The following IFI6 variants were observed in gnomAD, a reference collection of about 807,000 sequenced individuals.
The protein encoded by IFI6 is interferon alpha-inducible protein 6.
A neutral mutation model predicts 12.7 loss-of-function variants in IFI6; 10 were observed. The observed-to-expected ratio is 0.79, with a 90% CI of 0.49 to 1.33. The LOEUF is 1.33. Among genes scored for constraint, IFI6 ranks in the 40% most tolerant of loss-of-function variants. The pLI is 0.00. For missense variants in IFI6, 154 were observed against 180.4 expected, an observed-to-expected ratio of 0.85 and a Z score of 0.84; for synonymous variants, 89 against 86.2, an observed-to-expected ratio of 1.03 and a Z score of -0.18.
chr1:27,668,286 C>A lies in IFI6; in HGVS notation c.238G>T (p.Ala80Ser), dbSNP rs907602455. The change falls in exon 4 of 5, where the codon GCG becomes TCG. Residue 80 changes from alanine (A) to serine (S), a missense_variant. Physicochemically the swap from Ala to Ser is moderately conservative, Grantham distance 99 (BLOSUM62 1). Transcript: ENST00000361157. The stretch of plus-strand genomic sequence containing the variant: ...GGCACGCCGCCCCCATTCAGGATCG[C>A]AGACCAGCTCATCAGCGAGGCAGCC... Reference protein sequence around the residue: ...SVAASLMSWSAILNGGGVPAG... With the variant: ...SVAASLMSWSSILNGGGVPAG... The A allele has an allele frequency of 3.2e-6, 5 of 1,583,266 alleles. No individual in the cohort carries two copies. Among genetic ancestry groups the A allele is most frequent in the African/African-American group, 1.3e-5 (1 of 74,228 alleles).
chr1:27,668,022 G>T (rs939065507), intron 4 of IFI6, among the ~76,000 whole-genome samples: 4 of 152,244 alleles, frequency 2.6e-5, no homozygotes, highest in Admixed American at 1.3e-4. Flanking sequence ...AGTGAGCCAA[G>T]ATCACACCAC....
intron 1 of IFI6, among the ~76,000 whole-genome samples, chr1:27,670,961 A>G (rs1180929787): frequency 6.6e-6 from 1 of 152,226 alleles, no homozygotes; most frequent in Non-Finnish European, 1.5e-5. Context: ...GGGATGAAAA[A>G]ATATATTTTA....
rs1365786219 is a variant in IFI6, at chr1:27,666,222, T to C, written c.*159A>G. 2.0e-6 allele frequency: 1 copy of C among 512,484 alleles called. No homozygotes were observed. Among genetic ancestry groups the C allele is most frequent in the Non-Finnish European group, 3.4e-6 (1 of 295,500 alleles). The allele number at this position is 512,484 out of a possible 1,614,324, so 31.7% of individuals were successfully genotyped here. On this transcript the variant is annotated 3_prime_UTR_variant, in exon 5 of 5. Coordinates refer to ENST00000361157, the MANE Select transcript of IFI6 (RefSeq NM_002038.4). ...TGAGGCTAGGAGTTGGAGGCTGCAG[T>C]GTACTATGTTCGCATCTGTGAATAG...
At chr1:27,666,584 C>T in intron 4 of IFI6, 109 bp from the exon 5 acceptor site, 1 of 712,442 alleles carries the variant, frequency 1.4e-6, no homozygotes, top group Middle Eastern at 3.4e-4. Context: ...GATGGAGAAA[C>T]AGAGGCCCTG....
intron 1 of IFI6, chr1:27,670,259 C>T (rs774173846): frequency 2.0e-5 from 3 of 148,640 alleles, no homozygotes; most frequent in Non-Finnish European, 4.4e-5. Context: ...CTTACATATA[C>T]TGGTTTCTTT....
intron 2 of IFI6, among the ~76,000 whole-genome samples, 183 bp from the exon 3 acceptor site, chr1:27,668,718 G>A (rs920276592): frequency 1.3e-5 from 2 of 152,092 alleles, no homozygotes; most frequent in African/African-American, 4.8e-5. Flanking sequence ...CTAGCATCGA[G>A]TAAATTTCGG....
rs2090370051 is a variant in IFI6 at position 27,668,392 on chromosome 1, A to G, written c.149-17T>C. On this transcript the variant is annotated splice_polypyrimidine_tract_variant and intron_variant, in intron 3 of 4. Coordinates refer to ENST00000361157, the MANE Select transcript of IFI6 (RefSeq NM_002038.4). ...CTGCGAGTCCTGGAGGAACAGGAGC[A>G]GGTGAGGGAGCGTCCGCGGCAGAGG... 2 of 1,573,288 alleles carry G rather than the reference A, an allele frequency of 1.3e-6. No homozygotes were observed. Among genetic ancestry groups the G allele is most frequent in the Non-Finnish European group, 1.7e-6 (2 of 1,158,070 alleles).
intron 1 of IFI6, chr1:27,669,557 T>C (rs2090388716): frequency 1.9e-6 from 1 of 515,580 alleles, no homozygotes; most frequent in Non-Finnish European, 3.6e-6. Context: ...GTGCGGATTC[T>C]GTGCGGATTC....
chr1:27,668,894 CCCCAGCA>C (rs1374654699), intron 2 of IFI6, among the ~76,000 whole-genome samples: 1 of 152,036 alleles, frequency 6.6e-6, no homozygotes, highest in Non-Finnish European at 1.5e-5. Flanking sequence ...TCCTCCCATC[CCCCAGCA>C]CCCTTATATG....
intron 1 of IFI6, among the ~76,000 whole-genome samples, chr1:27,671,358 T>A (rs1557757344): frequency 6.6e-6 from 1 of 151,702 alleles, no homozygotes; most frequent in African/African-American, 2.4e-5. Context: ...AAACCCACAA[T>A]TGGCTAATAC....
At chr1:27,668,770 G>A (rs1237217606) in intron 2 of IFI6, among the ~76,000 whole-genome samples, 1 of 152,034 alleles carries the variant, frequency 6.6e-6, no homozygotes, top group East Asian at 1.9e-4. Flanking sequence ...TTGAATCTGG[G>A]ACTCTGGCGA....
chr1:27,669,190 T>C (rs577144193), intron 2 of IFI6, 55 bp downstream of exon 2: 12 of 1,531,316 alleles, frequency 7.8e-6, no homozygotes, highest in African/African-American at 1.4e-5. Flanking sequence ...CTTACTTGCA[T>C]CCTTACCTGC....
chr1:27,669,963 G>A (rs977475783), intron 1 of IFI6: 2 of 152,568 alleles, frequency 1.3e-5, no homozygotes, highest in African/African-American at 4.8e-5. Flanking sequence ...CACCGTACGA[G>A]AGGCTTCTGA....
In IFI6 at chr1:27,666,194, A is replaced by G. The variant is rs542842752; in HGVS notation, c.*187T>C. 2.3e-6 allele frequency: 1 copy of G among 442,232 alleles called. No individual in the cohort carries two copies. Among genetic ancestry groups the G allele is most frequent in the Admixed American group, 4.5e-5 (1 of 22,434 alleles). The allele number at this position is 442,232 out of a possible 1,614,324, so 27.4% of individuals were successfully genotyped here. A position where few individuals can be genotyped will look rare whatever the true frequency, so the allele number is the denominator to read the frequency against. On this transcript the variant is annotated 3_prime_UTR_variant, in exon 5 of 5. Transcript: ENST00000361157. The stretch of plus-strand genomic sequence containing the variant: ...CTTGGGAGGTTGAGACAGGAGGATC[A>G]CTTGAGGCTAGGAGTTGGAGGCTGC...
At chr1:27,669,953 C>T (rs1424923379) in intron 1 of IFI6, 2 of 152,820 alleles carry the variant, frequency 1.3e-5, no homozygotes, top group Non-Finnish European at 1.5e-5. Context: ...CAGTTTCCCT[C>T]ACCGTACGAG....
intron 1 of IFI6, among the ~76,000 whole-genome samples, chr1:27,671,621 C>T (rs1353739794): frequency 6.6e-6 from 1 of 151,682 alleles, no homozygotes; most frequent in Non-Finnish European, 1.5e-5. Context: ...CTCCTGACCT[C>T]GTGATCCGTG....
Position 27,666,313 on chromosome 1 carries a change from G to C in IFI6, c.*68C>G, listed in dbSNP as rs866931464. ...TCAAAAAAAAAAAAAAAAAAAAAAAGGCAAAGTTCTAGATCCTAACTGGAA... is the reference window on the plus strand; with the variant it reads ...TCAAAAAAAAAAAAAAAAAAAAAAACGCAAAGTTCTAGATCCTAACTGGAA... On this transcript the variant is annotated 3_prime_UTR_variant, in exon 5 of 5. Transcript: ENST00000361157. 14 of 370,474 alleles carry C rather than the reference G, an allele frequency of 3.8e-5. No homozygotes were observed. In the Middle Eastern group the frequency reaches 4.5e-3, roughly 118 times the overall value. 22.9% of individuals were successfully genotyped at this position (370,474 alleles called of 1,614,324 possible).
At chr1:27,671,731 C>T (rs1449681865) in intron 1 of IFI6, among the ~76,000 whole-genome samples, 1 of 152,090 alleles carries the variant, frequency 6.6e-6, no homozygotes, top group Non-Finnish European at 1.5e-5. Context: ...CTTCATCTAT[C>T]CTTAAAGATG....
intron 4 of IFI6, among the ~76,000 whole-genome samples, chr1:27,667,288 C>T (rs912014550): frequency 6.1e-5 from 9 of 146,412 alleles, no homozygotes; most frequent in Middle Eastern, 3.4e-3. Context: ...TGGCGGTATG[C>T]GCCTATAGTC....
Sources: gnomAD v4.1 joint callset for allele counts (sites outside exome capture counted in the v4.1 genomes callset) on GRCh38, gnomAD v4.1.1 for gene constraint, MANE v1.5 for transcripts, NCBI Gene and HGNC (gene_info 2026-07-23, HGNC 2026-07-21) for gene names.